The following OOSP2 variants were observed in gnomAD, a reference collection of about 807,000 sequenced individuals.
OOSP2 encodes the protein oocyte-secreted protein 2.
In OOSP2, 7 loss-of-function variants were observed where a neutral mutation model predicts 13.4. The ratio of observed to expected loss-of-function variants is 0.52; its 90% CI spans 0.30 to 0.98. The LOEUF (loss-of-function observed/expected upper bound fraction) is 0.98. Among genes scored for constraint, OOSP2 ranks in the 50% least tolerant of loss-of-function variants. OOSP2 has a pLI of 0.07. For synonymous variants in OOSP2, 75 were observed against 67.2 expected, an observed-to-expected ratio of 1.12 and a Z score of -0.57; for missense variants, 184 against 188.5, an observed-to-expected ratio of 0.98 and a Z score of 0.14.
Position 60,047,178 on chromosome 11 carries a change from T to C in OOSP2, c.*105T>C. On this transcript the variant is annotated 3_prime_UTR_variant, in exon 4 of 4. Transcript: ENST00000278855. The stretch of plus-strand genomic sequence containing the variant: ...TAGTTGGTGTATATCTCTCCTTAAG[T>C]CTCTGGTTTCTAAAAACCCTACTTC... 1 of 910,254 alleles carries C rather than the reference T, an allele frequency of 1.1e-6. No homozygotes were observed. The highest frequency in any genetic ancestry group is 2.5e-5 in the Admixed American group (1 of 39,912). 56.4% of individuals were successfully genotyped at this position (910,254 alleles called of 1,614,324 possible).
chr11:60,040,900 T>C (rs1203721846), intron 1 of OOSP2, among the ~76,000 whole-genome samples: 1 of 152,218 alleles, frequency 6.6e-6, no homozygotes, highest in Non-Finnish European at 1.5e-5. Context: ...CTGATCTTCC[T>C]GCTTCCAGAC....
chr11:60,043,503 C>T lies in OOSP2; in HGVS notation c.99C>T (p.Val33=). ...KISCSLDWLM[V]SVIPVAESRN... is the part of the protein sequence containing the mutation. Reference sequence around the variant, plus strand: ...GTTGCTCTCTGGACTGGTTGATGGTCTCAGTTATCCCAGTTGCAGAAAGCA... The same window carrying T: ...GTTGCTCTCTGGACTGGTTGATGGTTTCAGTTATCCCAGTTGCAGAAAGCA... Residue 33 remains valine (V), a synonymous_variant, in exon 2 of 4, where the codon GTC becomes GTT. Coordinates refer to ENST00000278855, the MANE Select transcript of OOSP2 (RefSeq NM_173801.5). The T allele has an allele frequency of 1.2e-6, 2 of 1,613,312 alleles. No homozygotes were observed. Among genetic ancestry groups the T allele is most frequent in the Non-Finnish European group, 1.7e-6 (2 of 1,179,360 alleles).
At chr11:60,044,893 TAAAC>T (rs1182155709) in intron 3 of OOSP2, 119 bp downstream of exon 3, 3 of 453,594 alleles carry the variant, frequency 6.6e-6, no homozygotes, top group African/African-American at 6.0e-5. Context: ...AGTATAATTG[TAAAC>T]AAACCCCAAA....
intron 1 of OOSP2, among the ~76,000 whole-genome samples, chr11:60,040,764 T>C (rs1393974081): frequency 6.6e-6 from 1 of 152,194 alleles, no homozygotes. Flanking sequence ...TCTCTCTAAC[T>C]TGAGACTCAT....
At chr11:60,041,850 C>CAAAAAGAAAA (rs1854932946) in intron 1 of OOSP2, among the ~76,000 whole-genome samples, 1 of 36,418 alleles carries the variant, frequency 2.7e-5, no homozygotes, top group East Asian at 1.1e-3. Flanking sequence ...GACTCTGTCT[C>CAAAAAGAAAA]AAAAAAAAAA....
At chr11:60,040,663 C>T in intron 1 of OOSP2, 140 bp downstream of exon 1, 1 of 615,420 alleles carries the variant, frequency 1.6e-6, no homozygotes, top group East Asian at 2.8e-5. Flanking sequence ...GCCAAGTAGA[C>T]TTGTGTCAAT....
intron 1 of OOSP2, among the ~76,000 whole-genome samples, chr11:60,040,913 A>G (rs374295135): frequency 2.0e-5 from 3 of 152,140 alleles, no homozygotes; most frequent in East Asian, 1.9e-4. Flanking sequence ...TTCCAGACTC[A>G]TATTTTTGCT....
In OOSP2 at chr11:60,047,022, G is replaced by C. The variant is rs1855016298; in HGVS notation, c.426G>C (p.Gln142His). The change falls in exon 4 of 4, where the codon CAG (glutamine) becomes CAC (histidine). Residue 142 changes from glutamine (Q) to histidine (H), a missense_variant. Transcript: ENST00000278855. ...LDPSPFIADF[Q>H]TTAEELGLLS... ...CTAGTCCTTTTATTGCTGACTTTCA[G>C]ACAACAGCAGAAGAGTTAGGATTAT... 1 of 1,611,008 alleles carries C rather than the reference G, an allele frequency of 6.2e-7. No homozygotes were observed. The highest frequency in any genetic ancestry group is 1.3e-5 in the African/African-American group (1 of 74,970).
At chr11:60,042,491 A>G (rs559478499) in intron 1 of OOSP2, among the ~76,000 whole-genome samples, 1 of 152,360 alleles carries the variant, frequency 6.6e-6, no homozygotes, top group South Asian at 2.1e-4. Context: ...CCACTTGCTC[A>G]TTAATAATTT....
chr11:60,043,103 A>C (rs1854958874), intron 1 of OOSP2, among the ~76,000 whole-genome samples: 1 of 151,814 alleles, frequency 6.6e-6, no homozygotes, highest in African/African-American at 2.4e-5. Context: ...ACGGGGTTTC[A>C]CTGTGTTAGC....
chr11:60,046,023 C>CCTCTGTCTCTGT (rs146122045), intron 3 of OOSP2, among the ~76,000 whole-genome samples: 1 of 149,998 alleles, frequency 6.7e-6, no homozygotes, highest in Non-Finnish European at 1.5e-5. Context: ...TCTGCCTTTG[C>CCTCTGTCTCTGT]CTCTGTCTCT....
chr11:60,041,626 T>A (rs2134637901), intron 1 of OOSP2, among the ~76,000 whole-genome samples: 1 of 151,952 alleles, frequency 6.6e-6, no homozygotes, highest in African/African-American at 2.4e-5. Flanking sequence ...GACGGGTGGA[T>A]CACCAGAGGT....
intron 3 of OOSP2, among the ~76,000 whole-genome samples, chr11:60,046,086 CTCTCTG>C (rs1033281758): frequency 2.0e-5 from 3 of 151,292 alleles, no homozygotes; most frequent in African/African-American, 4.9e-5. Flanking sequence ...CTGTCTCTCT[CTCTCTG>C]TCTCTGTCCC....
At position 60,043,598 on chromosome 11, in the gene OOSP2, A is replaced by G; in HGVS notation, c.194A>G (p.Tyr65Cys). ...TGCCCTGCAAATCGGATACATACAT[A>G]TGTATATGAGTTTATATATCTTGTT... The part of the protein sequence containing the change: ...MGCPANRIHT[Y>C]VYEFIYLVRD... The change falls in exon 2 of 4, where the codon TAT becomes TGT. Residue 65 changes from tyrosine to cysteine, a missense_variant. Transcript: ENST00000278855. The G allele has an allele frequency of 6.2e-7, 1 of 1,608,090 alleles. No individual in the cohort carries two copies. The highest frequency in any genetic ancestry group is 8.5e-7 in the Non-Finnish European group (1 of 1,174,538).
chr11:60,043,272 T>C (rs1250025030), intron 1 of OOSP2, among the ~76,000 whole-genome samples, 197 bp from the exon 2 acceptor site: 1 of 152,196 alleles, frequency 6.6e-6, no homozygotes, highest in African/African-American at 2.4e-5. Flanking sequence ...TGAAATCTAG[T>C]TACATGGGGG....
rs1855026550 is a variant in OOSP2 at position 60,047,841 on chromosome 11, A to C, written c.*768A>C. 1 of 152,100 alleles carries C rather than the reference A, an allele frequency of 6.6e-6. No homozygotes were observed. The highest frequency in any genetic ancestry group is 2.1e-4 in the South Asian group (1 of 4,828). The allele number at this position is 152,100 out of a possible 1,614,324, so 9.4% of individuals were successfully genotyped here. A position where few individuals can be genotyped will look rare whatever the true frequency, so the allele number is the denominator to read the frequency against. On this transcript the variant is annotated 3_prime_UTR_variant, in exon 4 of 4. Coordinates refer to ENST00000278855, the MANE Select transcript of OOSP2 (RefSeq NM_173801.5). ...ACTATCTTCCTTTCTTTAAACATGGAGTCTAAATATGTAATATATCAAAAA... is the reference window on the plus strand; with the variant it reads ...ACTATCTTCCTTTCTTTAAACATGGCGTCTAAATATGTAATATATCAAAAA...
At position 60,046,048 on chromosome 11, in the gene OOSP2, CTCTCTGTCTT is replaced by C. The variant is rs1341402656; in HGVS notation, c.348-894_348-885del. Among the ~76,000 whole-genome samples the C allele has an allele frequency of 6.7e-5, 10 of 149,904 alleles. No homozygotes were observed. The East Asian group carries it at 1.0e-3, about 15-fold the overall frequency. On this transcript the variant is annotated intron_variant, in intron 3 of 3. Transcript: ENST00000278855. ...CCTCTGTCTCTGTCTGTCTGTCTGTCTCTCTGTCTTTGTCTGTCTCTCTCTGTCTGTCTCT... is the reference window on the plus strand; with the variant it reads ...CCTCTGTCTCTGTCTGTCTGTCTGTCTGTCTGTCTCTCTCTGTCTGTCTCT...
chr11:60,044,757 G>A lies in OOSP2; in HGVS notation c.330G>A (p.Leu110=), dbSNP rs1854987892. The A allele has an allele frequency of 6.4e-7, 1 of 1,566,662 alleles. No individual in the cohort carries two copies. Among genetic ancestry groups the A allele is most frequent in the African/African-American group, 1.4e-5 (1 of 74,020 alleles). ...NIDHDPQEIH[L]ECSTSRKSVW... is the part of the protein sequence containing the mutation. ...ATCATGACCCTCAGGAAATCCATTT[G>A]GAGTGTTCCACCTCTAGGTAAGTCC... Residue 110 remains leucine, a synonymous_variant, in exon 3 of 4, where the codon TTG becomes TTA. Transcript: ENST00000278855.
Position 60,043,547 on chromosome 11 carries a change from C to T in OOSP2, c.143C>T (p.Ala48Val), listed in dbSNP as rs375351184. 68 of 1,609,952 alleles carry T rather than the reference C, an allele frequency of 4.2e-5. No homozygotes were observed. The highest frequency in any genetic ancestry group is 8.0e-5 in the African/African-American group (6 of 74,768). The change falls in exon 2 of 4, where the codon GCG (alanine) becomes GTG (valine). Residue 48 changes from alanine (A) to valine (V), a missense_variant. Physicochemically the swap from Ala to Val is moderately conservative, Grantham distance 64 (BLOSUM62 0). Coordinates refer to ENST00000278855, the MANE Select transcript of OOSP2 (RefSeq NM_173801.5). The part of the protein sequence containing the change: ...VAESRNLYIF[A>V]DELHLGMGCP... ...GAAAGCAGAAATCTGTATATATTTG[C>T]GGATGAATTACATCTGGGAATGGGC...
Sources: allele counts gnomAD v4.1 joint callset (sites outside exome capture counted in the v4.1 genomes callset), GRCh38; gene constraint gnomAD v4.1.1; transcripts MANE v1.5; gene names NCBI Gene and HGNC (gene_info 2026-07-23, HGNC 2026-07-21).